The following SCFD2 variants were observed in gnomAD, a reference collection of about 807,000 sequenced individuals.
The protein encoded by SCFD2 is sec1 family domain containing 2, also known as sec1 family domain-containing protein 2.
A neutral mutation model predicts 58.9 loss-of-function variants in SCFD2; 54 were observed. The observed-to-expected ratio is 0.92, with a 90% CI of 0.74 to 1.15. The LOEUF is 1.15. Among genes scored for constraint, SCFD2 ranks in the 50% most tolerant of loss-of-function variants. The pLI is 0.00. For synonymous variants in SCFD2, 321 were observed against 335.9 expected (o/e 0.96, Z 0.49); for missense variants, 805 against 836.6 (o/e 0.96, Z 0.47).
intron 4 of SCFD2, among the ~76,000 whole-genome samples, chr4:53,195,680 A>G (rs555776248): frequency 1.4e-4 from 21 of 152,296 alleles, no homozygotes; most frequent in African/African-American, 4.8e-4. Context: ...TCGTACGAAC[A>G]ACTGATTCAG....
At chr4:53,299,783 T>A (rs928254892) in intron 3 of SCFD2, among the ~76,000 whole-genome samples, 1 of 151,900 alleles carries the variant, frequency 6.6e-6, no homozygotes, top group African/African-American at 2.4e-5. Context: ...AGAGAGTGGG[T>A]GCCAATATTC....
intron 6 of SCFD2, among the ~76,000 whole-genome samples, chr4:52,908,820 C>A (rs1719412796): frequency 6.6e-6 from 1 of 152,178 alleles, no homozygotes; most frequent in Non-Finnish European, 1.5e-5. Context: ...AAACTAGCAT[C>A]TTCTCACTTG....
intron 2 of SCFD2, among the ~76,000 whole-genome samples, chr4:53,317,167 C>T (rs572356447): frequency 6.4e-4 from 98 of 152,106 alleles, no homozygotes; most frequent in African/African-American, 2.2e-3. Context: ...ATGCCTGCTT[C>T]CTGTCCTAAA....
chr4:53,156,328 G>A (rs1003823025), intron 4 of SCFD2, among the ~76,000 whole-genome samples: 1 of 151,214 alleles, frequency 6.6e-6, no homozygotes, highest in Non-Finnish European at 1.5e-5. Flanking sequence ...GAACCCGGGA[G>A]GCAGAGGTTG....
chr4:53,183,138 C>A (rs184693274), intron 4 of SCFD2, among the ~76,000 whole-genome samples: 1 of 152,280 alleles, frequency 6.6e-6, no homozygotes, highest in African/African-American at 2.4e-5. Context: ...TTGACCCAGC[C>A]ATCCCATTAC....
intron 5 of SCFD2, among the ~76,000 whole-genome samples, chr4:52,943,757 T>A (rs1388280583): frequency 6.6e-6 from 1 of 152,104 alleles, no homozygotes; most frequent in Non-Finnish European, 1.5e-5. Flanking sequence ...AACCAAACCC[T>A]AGCATATTAG....
chr4:52,995,667 C>T (rs1364506278), intron 5 of SCFD2, among the ~76,000 whole-genome samples: 1 of 152,174 alleles, frequency 6.6e-6, no homozygotes, highest in Non-Finnish European at 1.5e-5. Flanking sequence ...GAAGTAATGC[C>T]TACTTTGAGG....
chr4:53,293,253 T>C (rs1257362309), intron 3 of SCFD2, among the ~76,000 whole-genome samples: 1 of 151,774 alleles, frequency 6.6e-6, no homozygotes, highest in Non-Finnish European at 1.5e-5. Context: ...AGCAGAACAA[T>C]GAGAACACAT....
intron 2 of SCFD2, among the ~76,000 whole-genome samples, chr4:53,347,933 G>C (rs554258960): frequency 6.6e-6 from 1 of 152,362 alleles, no homozygotes; most frequent in East Asian, 1.9e-4. Context: ...GTAAATGCAA[G>C]TAGGGCATCA....
intron 5 of SCFD2, among the ~76,000 whole-genome samples, chr4:52,927,825 G>A (rs967021498): frequency 1.3e-4 from 20 of 152,178 alleles, no homozygotes; most frequent in South Asian, 2.1e-4. Flanking sequence ...AAGTGTGAGT[G>A]ATTCCGGTGA....
At chr4:52,967,034 C>T (rs900854413) in intron 5 of SCFD2, among the ~76,000 whole-genome samples, 3 of 152,226 alleles carry the variant, frequency 2.0e-5, no homozygotes, top group Non-Finnish European at 2.9e-5. Context: ...CAAACACCAT[C>T]CATTTTACTT....
intron 4 of SCFD2, among the ~76,000 whole-genome samples, chr4:53,240,470 A>G (rs1237010375): frequency 6.6e-6 from 1 of 152,220 alleles, no homozygotes; most frequent in Non-Finnish European, 1.5e-5. Context: ...ACTATTTTCA[A>G]CTTAATCCTC....
At chr4:52,975,837 G>A (rs920758450) in intron 5 of SCFD2, among the ~76,000 whole-genome samples, 6 of 151,994 alleles carry the variant, frequency 3.9e-5, no homozygotes, top group African/African-American at 7.3e-5. Context: ...GGAATATTAC[G>A]CAGCCATAAA....
chr4:53,177,299 CA>C (rs1430934768), intron 4 of SCFD2, among the ~76,000 whole-genome samples: 1 of 152,152 alleles, frequency 6.6e-6, no homozygotes, highest in Admixed American at 6.5e-5. Context: ...TACAGTAATA[CA>C]TGCTTGGGGC....
intron 7 of SCFD2, among the ~76,000 whole-genome samples, chr4:52,906,133 C>T (rs944649412): frequency 6.6e-6 from 1 of 152,152 alleles, no homozygotes; most frequent in Non-Finnish European, 1.5e-5. Context: ...CTGCAACTCT[C>T]CAAGGGCAGG....
At chr4:53,059,615 T>C (rs1405795090) in intron 5 of SCFD2, among the ~76,000 whole-genome samples, 1 of 386 alleles carries the variant, frequency 2.6e-3, no homozygotes, top group African/African-American at 2.6e-3. Flanking sequence ...CTCCTTTCTC[T>C]TTTTTTTTTT....
intron 5 of SCFD2, among the ~76,000 whole-genome samples, chr4:52,954,999 G>A (rs545829985): frequency 4.6e-5 from 7 of 152,200 alleles, no homozygotes; most frequent in African/African-American, 7.2e-5. Context: ...ACGTCAAGCC[G>A]TCTCCCACAC....
At chr4:53,039,371 T>C (rs1722839205) in intron 5 of SCFD2, among the ~76,000 whole-genome samples, 1 of 152,190 alleles carries the variant, frequency 6.6e-6, no homozygotes, top group African/African-American at 2.4e-5. Flanking sequence ...AAATACCAAT[T>C]TCATTAGGTG....
chr4:53,214,727 C>T (rs1728753162), intron 4 of SCFD2, among the ~76,000 whole-genome samples: 1 of 152,114 alleles, frequency 6.6e-6, no homozygotes, highest in African/African-American at 2.4e-5. Context: ...AGTCCTTGCC[C>T]ATGCCTATGC....
Sources: gnomAD v4.1 joint callset for allele counts (sites outside exome capture counted in the v4.1 genomes callset) on GRCh38, gnomAD v4.1.1 for gene constraint, MANE v1.5 for transcripts, NCBI Gene and HGNC (gene_info 2026-07-23, HGNC 2026-07-21) for gene names.